Variants in HCN2 observed in about 807,000 individuals in gnomAD.
The protein encoded by HCN2 is hyperpolarization activated cyclic nucleotide gated potassium and sodium channel 2.
Under a neutral mutation model 52.3 loss-of-function variants are expected in HCN2, and 20 were observed. That is an observed-to-expected ratio of 0.38 (90% CI 0.27 to 0.56). The LOEUF (loss-of-function observed/expected upper bound fraction) is 0.56. Among genes scored for constraint, HCN2 ranks in the 20% least tolerant of loss-of-function variants. The pLI is 0.71. For missense variants in HCN2, 981 were observed against 1,207.7 expected, an observed-to-expected ratio of 0.81 and a Z score of 2.78; for synonymous variants, 694 against 537.0, an observed-to-expected ratio of 1.29 and a Z score of -4.04.
Position 590,743 on chromosome 19 carries a change from C to T in HCN2, c.632+166C>T, listed in dbSNP as rs1013183556. ...TCCGGGACCCGCCCCGGAGTGACCC[C>T]GGCGCGCGAGGCTCCGCCTCTGGGG... On this transcript the variant is annotated intron_variant, in intron 1 of 7. Coordinates refer to ENST00000251287, the MANE Select transcript of HCN2 (RefSeq NM_001194.4). The surrounding 1 kb of genome is among the most constrained non-coding windows in gnomAD (Gnocchi z 7.2). The T allele has an allele frequency of 3.2e-5, 13 of 410,082 alleles. No individual in the cohort carries two copies. The highest frequency in any genetic ancestry group is 4.9e-5 in the Admixed American group (1 of 20,450). 25.4% of individuals were successfully genotyped at this position (410,082 alleles called of 1,614,324 possible). A position where few individuals can be genotyped will look rare whatever the true frequency, so the allele number is the denominator to read the frequency against.
In HCN2 at chr19:591,582, G is replaced by A. The variant is rs549535136; in HGVS notation, c.632+1005G>A. ...GTGTGTTTGTGTATCCACGAGTGGG[G>A]TGTGAGGTGGGGTGTGGAGGGTGCA... On this transcript the variant is annotated intron_variant, in intron 1 of 7. Coordinates refer to ENST00000251287, the MANE Select transcript of HCN2 (RefSeq NM_001194.4). The surrounding 1 kb of genome is among the most constrained non-coding windows in gnomAD (Gnocchi z 4.1). Among the ~76,000 whole-genome samples, 3 of 152,130 alleles carry A rather than the reference G, an allele frequency of 2.0e-5. No individual in the cohort carries two copies. The South Asian group carries it at 6.2e-4, about 31-fold the overall frequency.
At chr19:596,119 C>T (rs942919223) in intron 1 of HCN2, among the ~76,000 whole-genome samples, 16 of 152,260 alleles carry the variant, frequency 1.1e-4, no homozygotes, top group African/African-American at 3.6e-4. Flanking sequence ...CTCCCCCAAG[C>T]TTCATCCAGC....
Position 616,331 on chromosome 19 carries a change from A to T in HCN2, c.2527A>T (p.Ser843Cys). 2 of 1,179,358 alleles carry T rather than the reference A, an allele frequency of 1.7e-6. No homozygotes were observed. The highest frequency in any genetic ancestry group is 3.5e-5 in the Admixed American group (1 of 28,198). The allele number at this position is 1,179,358 out of a possible 1,614,324, so 73.1% of individuals were successfully genotyped here. ...CGCGGCCTCCACACGCCCGGCCAGC[A>T]GCTCCACACCGCGCTTGGGGCCCAC... is the stretch of plus-strand genomic sequence containing the variant. ...GPAASTRPAS[S>C]STPRLGPTPA... Residue 843 changes from serine to cysteine, a missense_variant, in exon 8 of 8, where the codon AGC (serine) becomes TGC (cysteine). Physicochemically the swap from Ser to Cys is moderately radical, Grantham distance 112. Coordinates refer to ENST00000251287, the MANE Select transcript of HCN2 (RefSeq NM_001194.4).
Position 616,113 on chromosome 19 carries a change from C to A in HCN2, c.2309C>A (p.Ala770Asp). The change falls in exon 8 of 8, where the codon GCC becomes GAC. Residue 770 changes from alanine to aspartate, a missense_variant. Transcript: ENST00000251287. ...RPPPGPAPAA[A>D]SPGPPPPASP... The stretch of plus-strand genomic sequence containing the variant: ...CCCCCGGGGCCCGCACCTGCCGCCG[C>A]CTCACCCGGGCCCCCGCCCCCCGCC... 5 of 958,786 alleles carry A rather than the reference C, an allele frequency of 5.2e-6. No homozygotes were observed. The highest frequency in any genetic ancestry group is 6.2e-6 in the Non-Finnish European group (5 of 807,748). 59.4% of individuals were successfully genotyped at this position (958,786 alleles called of 1,614,324 possible). A position where few individuals can be genotyped will look rare whatever the true frequency, so the allele number is the denominator to read the frequency against.
intron 7 of HCN2, 96 bp from the exon 8 acceptor site, chr19:615,699 C>A: frequency 8.4e-7 from 1 of 1,186,166 alleles, no homozygotes; most frequent in Non-Finnish European, 1.2e-6. Context: ...ACACGGCAAG[C>A]ACTGTGTGCG....
rs1177049000 is a variant in HCN2, at chr19:605,301, T to TC, written c.1218+79_1218+80insC. 9.8e-3 allele frequency: 13,551 copies of TC among 1,388,938 alleles called. 983 individuals are homozygous for TC. The highest frequency in any genetic ancestry group is 0.012 in the Non-Finnish European group (11,921 of 1,019,542). The allele number at this position is 1,388,938 out of a possible 1,614,324, so 86.0% of individuals were successfully genotyped here. A position where few individuals can be genotyped will look rare whatever the true frequency, so the allele number is the denominator to read the frequency against. On this transcript the variant is annotated intron_variant, in intron 3 of 7. Coordinates refer to ENST00000251287, the MANE Select transcript of HCN2 (RefSeq NM_001194.4). The stretch of plus-strand genomic sequence containing the variant: ...GGGACCCAGGCCCCCTTATCCCGCT[T>TC]ACAGAGGGTTGAACCCAAGCCTTTC...
chr19:608,363 G>A lies in HCN2; in HGVS notation c.1437+181G>A, dbSNP rs559870512. 1.1e-4 allele frequency among the ~76,000 whole-genome samples: 17 copies of A among 151,634 alleles called. No homozygotes were observed. The East Asian group carries it at 1.2e-3, about 10-fold the overall frequency. On this transcript the variant is annotated intron_variant, in intron 4 of 7. Transcript: ENST00000251287. Reference sequence around the variant, plus strand: ...TGAGGGCGGAGGTAGTCCTTGTCCCGGGGTCTGAGGGGAGGGGCGGGCCCG... The same window carrying A: ...TGAGGGCGGAGGTAGTCCTTGTCCCAGGGTCTGAGGGGAGGGGCGGGCCCG...
chr19:611,528 G>T (rs773327298), intron 5 of HCN2, among the ~76,000 whole-genome samples: 5 of 152,214 alleles, frequency 3.3e-5, no homozygotes, highest in Non-Finnish European at 7.4e-5. Flanking sequence ...ATGCCTCTGG[G>T]GGGGCGTGTA....
chr19:599,830 G>A (rs1355768515), intron 1 of HCN2, among the ~76,000 whole-genome samples: 4 of 149,692 alleles, frequency 2.7e-5, no homozygotes, highest in Non-Finnish European at 5.9e-5. Flanking sequence ...AGTTGGTACA[G>A]GGATGGGAAG....
At position 615,920 on chromosome 19, in the gene HCN2, G is replaced by A; in HGVS notation, c.2116G>A (p.Glu706Lys). ...KYDREMVQQA[E>K]LGQRVGLFPP... is the part of the protein sequence containing the mutation. ...CGACCGCGAGATGGTGCAGCAGGCC[G>A]AGCTGGGTCAGCGCGTGGGCCTCTT... The change falls in exon 8 of 8, where the codon GAG becomes AAG. Residue 706 changes from glutamate to lysine, a missense_variant. Physicochemically the swap from Glu to Lys is moderately conservative, Grantham distance 56. This residue lies in a region of HCN2 where 368 missense variants were observed against 314.8 expected (regional missense o/e 1.17). Coordinates refer to ENST00000251287, the MANE Select transcript of HCN2 (RefSeq NM_001194.4). The A allele has an allele frequency of 3.7e-6, 6 of 1,611,936 alleles. No homozygotes were observed. The highest frequency in any genetic ancestry group is 5.1e-6 in the Non-Finnish European group (6 of 1,179,748).
At chr19:609,628 G>C (rs1428313904) in intron 4 of HCN2, among the ~76,000 whole-genome samples, 2 of 152,206 alleles carry the variant, frequency 1.3e-5, no homozygotes, top group African/African-American at 2.4e-5. Context: ...TAGCAGGGCA[G>C]GGTGGTGCAC....
chr19:610,959 G>C (rs377677881), intron 5 of HCN2, among the ~76,000 whole-genome samples: 1 of 152,164 alleles, frequency 6.6e-6, no homozygotes, highest in South Asian at 2.1e-4. Context: ...CTCTTCCGGC[G>C]TCTGGGGCTC....
At chr19:604,577 T>C (rs1287365421) in intron 2 of HCN2, among the ~76,000 whole-genome samples, 1 of 91,818 alleles carries the variant, frequency 1.1e-5, no homozygotes, top group Non-Finnish European at 2.1e-5. Context: ...ATGAGGGTTG[T>C]GCTGAGCGGG....
chr19:595,568 C>A (rs1441063524), intron 1 of HCN2, among the ~76,000 whole-genome samples: 2 of 152,204 alleles, frequency 1.3e-5, no homozygotes. Flanking sequence ...TCTCATCCAC[C>A]CACACGCCAC....
rs376136552 is a variant in HCN2, at chr19:615,952, G to C, written c.2148G>C (p.Pro716=). 20 of 1,572,706 alleles carry C rather than the reference G, an allele frequency of 1.3e-5. No homozygotes were observed. Among genetic ancestry groups the C allele is most frequent in the Non-Finnish European group, 1.7e-5 (20 of 1,151,136 alleles). The change falls in exon 8 of 8, where the codon CCG becomes CCC. Residue 716 remains proline, a synonymous_variant. Coordinates refer to ENST00000251287, the MANE Select transcript of HCN2 (RefSeq NM_001194.4). The stretch of plus-strand genomic sequence containing the variant: ...GTCAGCGCGTGGGCCTCTTCCCGCC[G>C]CCGCCGCCGCCGCCGCAGGTCACCT... The part of the protein sequence containing the change: ...ELGQRVGLFP[P]PPPPPQVTSA...
At chr19:614,040 G>C in intron 7 of HCN2, 24 bp downstream of exon 7, 1 of 1,533,560 alleles carries the variant, frequency 6.5e-7, no homozygotes, top group Non-Finnish European at 8.8e-7. Context: ...GGGCGTGGCC[G>C]GGGCGGGTGC....
rs1008687495 is a variant in HCN2, at chr19:603,973, G to T, written c.1056+6G>T. The T allele has an allele frequency of 4.4e-6, 7 of 1,596,176 alleles. No homozygotes were observed. Among genetic ancestry groups the T allele is most frequent in the Non-Finnish European group, 6.0e-6 (7 of 1,173,440 alleles). ...ACATCCATCAGTGGGAGGAGGTGAG[G>T]TGGGGCGGGGGCGGGGCCAAGGCAG... On this transcript the variant is annotated splice_donor_region_variant and intron_variant, in intron 2 of 7. Coordinates refer to ENST00000251287, the MANE Select transcript of HCN2 (RefSeq NM_001194.4).
intron 1 of HCN2, among the ~76,000 whole-genome samples, chr19:596,960 G>T (rs1251956433): frequency 6.6e-6 from 1 of 152,186 alleles, no homozygotes; most frequent in Non-Finnish European, 1.5e-5. Context: ...GGGCTCTGGG[G>T]TCCCCTCTGC....
intron 4 of HCN2, among the ~76,000 whole-genome samples, chr19:609,887 G>A (rs910997144): frequency 6.6e-6 from 1 of 152,046 alleles, no homozygotes; most frequent in Non-Finnish European, 1.5e-5. Flanking sequence ...GCCACAGAGC[G>A]AGACAGTGTC....
Sources: allele counts gnomAD v4.1 joint callset (sites outside exome capture counted in the v4.1 genomes callset), GRCh38; gene constraint gnomAD v4.1.1; regional missense constraint gnomAD v4.1.1; non-coding constraint Gnocchi (gnomAD v3.1); transcripts MANE v1.5; gene names NCBI Gene and HGNC (gene_info 2026-07-23, HGNC 2026-07-21).